Variants in KIF15 observed in about 807,000 individuals in gnomAD.
KIF15 encodes kinesin-like protein KIF15.
A neutral mutation model predicts 190.6 loss-of-function variants in KIF15; 140 were observed. The ratio of observed to expected loss-of-function variants is 0.73; its 90% CI spans 0.64 to 0.84. KIF15 has a LOEUF of 0.84. Ranked by LOEUF, KIF15 falls within the 40% of genes least tolerant of loss-of-function variation. The pLI, the probability that KIF15 is intolerant of heterozygous loss-of-function variation, is 0.00. For missense variants in KIF15, 1,372 were observed against 1,584.4 expected (o/e 0.87, Z 2.28); for synonymous variants, 528 against 551.3 (o/e 0.96, Z 0.59).
At chr3:44,838,994 A>G (rs1208695215) in intron 27 of KIF15, among the ~76,000 whole-genome samples, 2 of 152,114 alleles carry the variant, frequency 1.3e-5, no homozygotes, top group Non-Finnish European at 2.9e-5. Context: ...TTGTCATTTT[A>G]TATTTTGTAT....
chr3:44,840,423 A>G lies in KIF15; in HGVS notation c.3387A>G (p.Glu1129=). 1.2e-6 allele frequency: 2 copies of G among 1,609,674 alleles called. No homozygotes were observed. Among genetic ancestry groups the G allele is most frequent in the Non-Finnish European group, 1.7e-6 (2 of 1,177,666 alleles). Residue 1129 remains glutamate (E), a synonymous_variant, in exon 28 of 35, where the codon GAA becomes GAG. Transcript: ENST00000326047. ...ATAACTTCAAAATGAGGCAACTAGA[A>G]CATGTGATGGATTCTGCTGCTGAGG... ...NEYNFKMRQL[E]HVMDSAAEDP...
At chr3:44,783,625 A>G (rs1388691365) in intron 5 of KIF15, among the ~76,000 whole-genome samples, 2 of 152,154 alleles carry the variant, frequency 1.3e-5, no homozygotes, top group African/African-American at 2.4e-5. Flanking sequence ...ATGATGTAAA[A>G]TTATCTACAT....
chr3:44,838,585 TA>T (rs920353072), intron 27 of KIF15, among the ~76,000 whole-genome samples, 164 bp downstream of exon 27: 3 of 151,964 alleles, frequency 2.0e-5, no homozygotes, highest in African/African-American at 7.3e-5. Flanking sequence ...CTGTCTCTAC[TA>T]AAAATAGAAA....
chr3:44,807,035 C>T (rs1483864372), intron 16 of KIF15, among the ~76,000 whole-genome samples: 2 of 152,048 alleles, frequency 1.3e-5, no homozygotes, highest in Non-Finnish European at 2.9e-5. Flanking sequence ...AGAGCCACTG[C>T]GCTGGCCTCA....
rs760731855 is a variant in KIF15, at chr3:44,810,946, C to G, written c.2072C>G (p.Ser691Cys). 5.0e-6 allele frequency: 8 copies of G among 1,613,596 alleles called. No homozygotes were observed. Among genetic ancestry groups the G allele is most frequent in the Admixed American group, 3.3e-5 (2 of 59,980 alleles). Residue 691 changes from serine (S) to cysteine (C), a missense_variant, in exon 17 of 35, where the codon TCT becomes TGT. Coordinates refer to ENST00000326047, the MANE Select transcript of KIF15 (RefSeq NM_020242.3). ...TTTGGCTCTCTATACACTCAGAATT[C>G]TAGCATATTAGATAATGATATATTA... ...GSFGSLYTQN[S>C]SILDNDILNE... is the part of the protein sequence containing the mutation.
At chr3:44,792,979 T>TAA (rs1442388948) in intron 7 of KIF15, among the ~76,000 whole-genome samples, 6 of 152,198 alleles carry the variant, frequency 3.9e-5, no homozygotes. Context: ...TATATACTGT[T>TAA]ACCCTCCTAC....
intron 1 of KIF15, among the ~76,000 whole-genome samples, chr3:44,773,167 A>G (rs1705714416): frequency 6.6e-6 from 1 of 152,002 alleles, no homozygotes; most frequent in Admixed American, 6.6e-5. Context: ...AAAGCCTCTC[A>G]CATAAAAGTT....
intron 24 of KIF15, among the ~76,000 whole-genome samples, chr3:44,829,493 T>C (rs1186231478): frequency 2.0e-4 from 27 of 134,380 alleles, no homozygotes; most frequent in South Asian, 1.3e-3. Context: ...ATATAATATA[T>C]GCATATATAA....
At chr3:44,835,540 G>A (rs1424177395) in intron 26 of KIF15, among the ~76,000 whole-genome samples, 1 of 151,970 alleles carries the variant, frequency 6.6e-6, no homozygotes. Flanking sequence ...CACCATGCCT[G>A]GCCTCAAATC....
chr3:44,806,337 G>A (rs1707499704), intron 16 of KIF15, among the ~76,000 whole-genome samples: 1 of 152,144 alleles, frequency 6.6e-6, no homozygotes, highest in African/African-American at 2.4e-5. Context: ...AAGCTGCCTG[G>A]TACCTTGTAG....
chr3:44,784,549 G>A (rs1162236177), intron 5 of KIF15, among the ~76,000 whole-genome samples: 1 of 152,194 alleles, frequency 6.6e-6, no homozygotes, highest in Non-Finnish European at 1.5e-5. Context: ...TGCAGCTTAA[G>A]AGGGATTTAG....
intron 25 of KIF15, among the ~76,000 whole-genome samples, chr3:44,830,655 A>G (rs145205261): frequency 6.6e-5 from 10 of 152,252 alleles, no homozygotes; most frequent in African/African-American, 9.6e-5. Flanking sequence ...GCTGCACTCC[A>G]TGTTTATTTC....
intron 1 of KIF15, 27 bp from the exon 2 acceptor site, chr3:44,774,368 A>G: frequency 6.2e-7 from 1 of 1,601,264 alleles, no homozygotes; most frequent in Non-Finnish European, 8.5e-7. Flanking sequence ...AATTTAAATG[A>G]CCTTTAATAA....
chr3:44,768,443 A>G (rs1214726649), intron 1 of KIF15, among the ~76,000 whole-genome samples: 1 of 152,188 alleles, frequency 6.6e-6, no homozygotes, highest in Non-Finnish European at 1.5e-5. Context: ...AGTGAAAAAA[A>G]GTGTGATACA....
intron 6 of KIF15, chr3:44,865,456 G>A (rs1456004762): frequency 2.2e-6 from 1 of 448,916 alleles, no homozygotes; most frequent in African/African-American, 1.9e-5. Context: ...AGATCCTGGG[G>A]TTGGTCTGCT....
At chr3:44,842,235 T>A (rs957913891) in intron 29 of KIF15, among the ~76,000 whole-genome samples, 1 of 152,192 alleles carries the variant, frequency 6.6e-6, no homozygotes, top group African/African-American at 2.4e-5. Flanking sequence ...TTAAAATACT[T>A]TCTTGTTTTC....
chr3:44,799,323 G>A (rs1288004722), intron 10 of KIF15: 1 of 456,714 alleles, frequency 2.2e-6, no homozygotes, highest in Non-Finnish European at 4.4e-6. Flanking sequence ...AGTGGAAAGT[G>A]CCAGAGTATC....
chr3:44,837,599 CATAT>C (rs759426142), intron 26 of KIF15, among the ~76,000 whole-genome samples: 2 of 151,528 alleles, frequency 1.3e-5, no homozygotes, highest in East Asian at 3.9e-4. Flanking sequence ...TATGTACACA[CATAT>C]ATATGTGTGT....
rs1707283517 is a variant in KIF15, at chr3:44,801,646, G to A, written c.1300-119G>A. On this transcript the variant is annotated intron_variant, in intron 12 of 34. Coordinates refer to ENST00000326047, the MANE Select transcript of KIF15 (RefSeq NM_020242.3). Reference sequence around the variant, plus strand: ...AGTCAATAAAGTAATGGAAGGCTATGAAAAATCAAATTTTGCCTTTAAGAT... The same window carrying A: ...AGTCAATAAAGTAATGGAAGGCTATAAAAAATCAAATTTTGCCTTTAAGAT... 1.1e-5 allele frequency: 11 copies of A among 981,364 alleles called. No individual in the cohort carries two copies. In the South Asian group the frequency reaches 1.7e-4, roughly 15 times the overall value. The allele number at this position is 981,364 out of a possible 1,614,324, so 60.8% of individuals were successfully genotyped here. A position where few individuals can be genotyped will look rare whatever the true frequency, so the allele number is the denominator to read the frequency against.
Sources: gnomAD v4.1 joint callset for allele counts (sites outside exome capture counted in the v4.1 genomes callset) on GRCh38, gnomAD v4.1.1 for gene constraint, MANE v1.5 for transcripts, NCBI Gene and HGNC (gene_info 2026-07-23, HGNC 2026-07-21) for gene names.